The following PELI3 variants were observed in gnomAD, a reference collection of about 807,000 sequenced individuals.
PELI3 encodes E3 ubiquitin-protein ligase pellino homolog 3.
A neutral mutation model predicts 35.5 loss-of-function variants in PELI3; 19 were observed. The ratio of observed to expected loss-of-function variants is 0.54; its 90% CI spans 0.37 to 0.79. PELI3 has a LOEUF of 0.79. Among genes scored for constraint, PELI3 ranks in the 30% least tolerant of loss-of-function variants. PELI3 has a pLI of 0.00. For missense variants in PELI3, 490 were observed against 661.2 expected, an observed-to-expected ratio of 0.74 and a Z score of 2.84; for synonymous variants, 262 against 279.2, an observed-to-expected ratio of 0.94 and a Z score of 0.62.
rs752849855 is a variant in PELI3 at position 66,473,890 on chromosome 11, C to A, written c.805C>A (p.Arg269=). 6.2e-7 allele frequency: 1 copy of A among 1,613,526 alleles called. No homozygotes were observed. The highest frequency in any genetic ancestry group is 8.5e-7 in the Non-Finnish European group (1 of 1,179,984). The stretch of plus-strand genomic sequence containing the variant: ...GGTCTGTGGGAATGTGTACACATTG[C>A]GGGACAGCCGCTCAGCCCAGCAGCG... The part of the protein sequence containing the change: ...ISVCGNVYTL[R]DSRSAQQRGK... The change falls in exon 7 of 8, where the codon CGG becomes AGG. Residue 269 remains arginine, a synonymous_variant. Transcript: ENST00000320740. The surrounding 1 kb of genome is among the most constrained non-coding windows in gnomAD (Gnocchi z 5.8).
chr11:66,470,747 G>A (rs1854687082), intron 3 of PELI3, among the ~76,000 whole-genome samples: 3 of 152,232 alleles, frequency 2.0e-5, no homozygotes. Context: ...GCTTACTACA[G>A]GTGAACCCTT....
chr11:66,475,940 C>T lies in PELI3; in HGVS notation c.1183C>T (p.Pro395Ser). Residue 395 changes from proline to serine, a missense_variant, in exon 8 of 8, where the codon CCT (proline) becomes TCT (serine). By Grantham distance (74) the Pro-to-Ser change is moderately conservative (BLOSUM62 -1). Transcript: ENST00000320740. ...PLCRLVGPYVPLWLGQEAGLC... is the reference protein window; with the variant it reads ...PLCRLVGPYVSLWLGQEAGLC... Reference sequence around the variant, plus strand: ...CTGCCGCCTTGTGGGGCCTTATGTGCCTCTATGGCTTGGCCAGGAGGCCGG... The same window carrying T: ...CTGCCGCCTTGTGGGGCCTTATGTGTCTCTATGGCTTGGCCAGGAGGCCGG... 2 of 1,612,126 alleles carry T rather than the reference C, an allele frequency of 1.2e-6. No homozygotes were observed. The highest frequency in any genetic ancestry group is 1.7e-6 in the Non-Finnish European group (2 of 1,179,586).
intron 3 of PELI3, among the ~76,000 whole-genome samples, 180 bp downstream of exon 3, chr11:66,469,084 T>C (rs1854630135): frequency 6.6e-6 from 1 of 152,140 alleles, no homozygotes; most frequent in South Asian, 2.1e-4. Flanking sequence ...CTGACCAGGA[T>C]CCCTGCACCA....
chr11:66,466,591 C>G (rs970174181), upstream of PELI3: 1 of 152,182 alleles, frequency 6.6e-6, no homozygotes, highest in Non-Finnish European at 1.5e-5. Flanking sequence ...GAAATGGAGG[C>G]GGAGTTTGGG....
intron 4 of PELI3, among the ~76,000 whole-genome samples, chr11:66,472,153 C>T (rs745508181): frequency 2.6e-5 from 4 of 151,794 alleles, no homozygotes; most frequent in Non-Finnish European, 5.9e-5. Context: ...GGATTACAGG[C>T]GTGAGCCACC....
At chr11:66,470,273 C>G (rs758131799) in intron 3 of PELI3, among the ~76,000 whole-genome samples, 3 of 152,300 alleles carry the variant, frequency 2.0e-5, no homozygotes, top group South Asian at 4.1e-4. Context: ...TCATCTCCCC[C>G]ACATACTTCA....
At chr11:66,474,185 A>T (rs1198894198) in intron 7 of PELI3, 4 of 658,782 alleles carry the variant, frequency 6.1e-6, no homozygotes, top group Non-Finnish European at 1.1e-5. Context: ...GCACACACAG[A>T]CATACTGTGC....
At chr11:66,472,222 A>T (rs969244704) in intron 4 of PELI3, 147 bp from the exon 5 acceptor site, 7 of 613,316 alleles carry the variant, frequency 1.1e-5, no homozygotes, top group Admixed American at 2.8e-5. Context: ...CATGTGAAAC[A>T]TCTGCTGCAC....
chr11:66,473,564 C>G lies in PELI3; in HGVS notation c.651+129C>G. On this transcript the variant is annotated intron_variant, in intron 6 of 7. Coordinates refer to ENST00000320740, the MANE Select transcript of PELI3 (RefSeq NM_145065.3). The surrounding 1 kb of genome is among the most constrained non-coding windows in gnomAD (Gnocchi z 5.8). ...ATGGTGGTCCTGGCAGTTAGCAACC[C>G]CACCTAACTGATGAGCAAAGTGAGG... is the stretch of plus-strand genomic sequence containing the variant. The G allele has an allele frequency of 1.5e-6, 2 of 1,319,472 alleles. No individual in the cohort carries two copies. Among genetic ancestry groups the G allele is most frequent in the East Asian group, 5.0e-5 (2 of 40,038 alleles). The allele number at this position is 1,319,472 out of a possible 1,614,324, so 81.7% of individuals were successfully genotyped here. A position where few individuals can be genotyped will look rare whatever the true frequency, so the allele number is the denominator to read the frequency against.
Position 66,473,563 on chromosome 11 carries a change from C to G in PELI3, c.651+128C>G. The G allele has an allele frequency of 7.6e-7, 1 of 1,315,416 alleles. No individual in the cohort carries two copies. The highest frequency in any genetic ancestry group is 1.4e-5 in the South Asian group (1 of 69,922). 81.5% of individuals were successfully genotyped at this position (1,315,416 alleles called of 1,614,324 possible). A position where few individuals can be genotyped will look rare whatever the true frequency, so the allele number is the denominator to read the frequency against. On this transcript the variant is annotated intron_variant, in intron 6 of 7. Transcript: ENST00000320740. This position sits in a 1 kb window ranked among gnomAD's most constrained non-coding sequence, Gnocchi z 5.8. ...AATGGTGGTCCTGGCAGTTAGCAAC[C>G]CCACCTAACTGATGAGCAAAGTGAG... is the stretch of plus-strand genomic sequence containing the variant.
rs1423102772 is a variant in PELI3, at chr11:66,473,899, C to T, written c.814C>T (p.Arg272Cys). ...CGNVYTLRDS[R>C]SAQQRGKLVE... ...GAATGTGTACACATTGCGGGACAGC[C>T]GCTCAGCCCAGCAGCGGGGCAAGCT... Residue 272 changes from arginine to cysteine, a missense_variant, in exon 7 of 8, where the codon CGC becomes TGC. Coordinates refer to ENST00000320740, the MANE Select transcript of PELI3 (RefSeq NM_145065.3). The surrounding 1 kb of genome is among the most constrained non-coding windows in gnomAD (Gnocchi z 5.8). The T allele has an allele frequency of 6.2e-7, 1 of 1,613,552 alleles. No individual in the cohort carries two copies. The highest frequency in any genetic ancestry group is 8.5e-7 in the Non-Finnish European group (1 of 1,179,996).
At chr11:66,472,518 C>A in intron 5 of PELI3, 48 bp downstream of exon 5, 1 of 1,499,412 alleles carries the variant, frequency 6.7e-7, no homozygotes, top group Non-Finnish European at 9.3e-7. Context: ...GGCCTCTAGG[C>A]TCTGCAAGCA....
chr11:66,471,604 C>T (rs891117404), intron 4 of PELI3, among the ~76,000 whole-genome samples: 1 of 152,018 alleles, frequency 6.6e-6, no homozygotes, highest in Non-Finnish European at 1.5e-5. Context: ...CCTCTCTGAA[C>T]CTTGGCTGCC....
intron 3 of PELI3, among the ~76,000 whole-genome samples, chr11:66,469,366 G>A (rs778623779): frequency 6.6e-6 from 1 of 152,062 alleles, no homozygotes; most frequent in Non-Finnish European, 1.5e-5. Context: ...AAATGAACCT[G>A]CGAGGTAGGT....
intron 3 of PELI3, among the ~76,000 whole-genome samples, chr11:66,470,435 T>G (rs1197217329): frequency 6.6e-6 from 1 of 152,204 alleles, no homozygotes; most frequent in Non-Finnish European, 1.5e-5. Flanking sequence ...CAAGTCACAT[T>G]ACCTCCCTGA....
At position 66,472,429 on chromosome 11, in the gene PELI3, A is replaced by G. The variant is rs1276541249; in HGVS notation, c.415A>G (p.Ile139Val). The change falls in exon 5 of 8, where the codon ATA (isoleucine) becomes GTA (valine). Residue 139 changes from isoleucine to valine, a missense_variant. Physicochemically the swap from Ile to Val is conservative, Grantham distance 29. Around this residue, in one of 3 missense-constraint regions of PELI3, gnomAD observed 349 missense variants for 484.8 expected, o/e 0.72. Coordinates refer to ENST00000320740, the MANE Select transcript of PELI3 (RefSeq NM_145065.3). ...SYTLSRSHSV[I>V]VEYTHDSDTD... Reference sequence around the variant, plus strand: ...TACACTGTCCCGGAGCCACTCGGTCATAGTGGAGTATACACATGATAGCGA... The same window carrying G: ...TACACTGTCCCGGAGCCACTCGGTCGTAGTGGAGTATACACATGATAGCGA... 6 of 1,614,148 alleles carry G rather than the reference A, an allele frequency of 3.7e-6. No homozygotes were observed. The highest frequency in any genetic ancestry group is 2.7e-5 in the African/African-American group (2 of 75,044).
At position 66,471,283 on chromosome 11, in the gene PELI3, G is replaced by A. The variant is rs541571878; in HGVS notation, c.266G>A (p.Arg89Gln). The A allele has an allele frequency of 1.5e-5, 24 of 1,613,570 alleles. No homozygotes were observed. The highest frequency in any genetic ancestry group is 8.8e-5 in the South Asian group (8 of 91,044). Residue 89 changes from arginine to glutamine, a missense_variant, in exon 4 of 8, where the codon CGA becomes CAA. Physicochemically the swap from Arg to Gln is conservative, Grantham distance 43. Transcript: ENST00000320740. ...CLASGDKGRR[R>Q]SRLALSRRSH... ...GCAAGTGGGGACAAGGGCCGCCGGC[G>A]AAGCCGCCTGGCACTGAGCCGCCGG...
chr11:66,476,316 C>G lies in PELI3; in HGVS notation c.*149C>G. The G allele has an allele frequency of 1.1e-6, 1 of 871,436 alleles. No individual in the cohort carries two copies. Among genetic ancestry groups the G allele is most frequent in the African/African-American group, 1.7e-5 (1 of 58,894 alleles). The allele number at this position is 871,436 out of a possible 1,614,324, so 54.0% of individuals were successfully genotyped here. A position where few individuals can be genotyped will look rare whatever the true frequency, so the allele number is the denominator to read the frequency against. Reference sequence around the variant, plus strand: ...GGATGGGCTGTGCCCTTCCCCCCAACTGTGGCCCCCCAAGGAGGTCCCCAA... The same window carrying G: ...GGATGGGCTGTGCCCTTCCCCCCAAGTGTGGCCCCCCAAGGAGGTCCCCAA... On this transcript the variant is annotated 3_prime_UTR_variant, in exon 8 of 8. Coordinates refer to ENST00000320740, the MANE Select transcript of PELI3 (RefSeq NM_145065.3).
In PELI3 at chr11:66,472,428, C is replaced by G. The variant is rs1854756064; in HGVS notation, c.414C>G (p.Val138=). The change falls in exon 5 of 8, where the codon GTC becomes GTG. Residue 138 remains valine, a synonymous_variant. Transcript: ENST00000320740. The part of the protein sequence containing the change: ...ISYTLSRSHS[V]IVEYTHDSDT... Reference sequence around the variant, plus strand: ...ATACACTGTCCCGGAGCCACTCGGTCATAGTGGAGTATACACATGATAGCG... The same window carrying G: ...ATACACTGTCCCGGAGCCACTCGGTGATAGTGGAGTATACACATGATAGCG... 5.0e-6 allele frequency: 8 copies of G among 1,614,152 alleles called. No individual in the cohort carries two copies. Among genetic ancestry groups the G allele is most frequent in the Non-Finnish European group, 5.9e-6 (7 of 1,180,022 alleles).
Sources: gnomAD v4.1 joint callset for allele counts (sites outside exome capture counted in the v4.1 genomes callset) on GRCh38, gnomAD v4.1.1 for gene constraint, gnomAD v4.1.1 regional missense constraint, Gnocchi (gnomAD v3.1) non-coding constraint, MANE v1.5 for transcripts, NCBI Gene and HGNC (gene_info 2026-07-23, HGNC 2026-07-21) for gene names.